SLFN12L: variants seen among roughly 807,000 people sequenced by gnomAD.
The protein encoded by SLFN12L is schlafen family member 12 like.
A neutral mutation model predicts 34.8 loss-of-function variants in SLFN12L; 34 were observed. The observed-to-expected ratio is 0.98, with a 90% confidence interval of 0.74 to 1.30. The LOEUF is 1.30. Ranked by LOEUF, SLFN12L falls within the 50% of genes most tolerant of loss-of-function variation. The pLI, the probability that SLFN12L is intolerant of heterozygous loss-of-function variation, is 0.00. For synonymous variants in SLFN12L, 259 were observed against 247.5 expected, an observed-to-expected ratio of 1.05 and a Z score of -0.44; for missense variants, 703 against 696.2, an observed-to-expected ratio of 1.01 and a Z score of -0.11.
chr17:35,484,088 A>G (rs1914478312), intron 2 of SLFN12L, among the ~76,000 whole-genome samples: 2 of 152,182 alleles, frequency 1.3e-5, no homozygotes, highest in Non-Finnish European at 1.5e-5. Flanking sequence ...CTCCTTGTGC[A>G]CCAGAGTAGT....
At chr17:35,509,783 C>T (rs61412582) in intron 2 of SLFN12L, among the ~76,000 whole-genome samples, 1,856 of 151,968 alleles carry the variant, frequency 0.012, 48 homozygotes, top group African/African-American at 0.043. Context: ...CTGCAAGCTC[C>T]GCCTCCTGGG....
intron 4 of SLFN12L, among the ~76,000 whole-genome samples, chr17:35,477,375 C>T (rs1471526277): frequency 2.6e-5 from 4 of 152,106 alleles, no homozygotes; most frequent in Non-Finnish European, 5.9e-5. Context: ...GGAAGGATCT[C>T]TTACACAAGG....
chr17:35,505,407 C>T (rs1020160703), intron 2 of SLFN12L, among the ~76,000 whole-genome samples: 1 of 152,198 alleles, frequency 6.6e-6, no homozygotes, highest in African/African-American at 2.4e-5. Context: ...TTGGCAGCAA[C>T]AGCTCTGCTA....
chr17:35,507,649 A>G (rs1915507756), intron 2 of SLFN12L, among the ~76,000 whole-genome samples: 1 of 152,204 alleles, frequency 6.6e-6, no homozygotes, highest in Non-Finnish European at 1.5e-5. Flanking sequence ...ATGTTTGAAA[A>G]ATGGTTCCCA....
chr17:35,480,863 C>A (rs1914305243), intron 2 of SLFN12L, among the ~76,000 whole-genome samples: 1 of 151,802 alleles, frequency 6.6e-6, no homozygotes, highest in Non-Finnish European at 1.5e-5. Flanking sequence ...AGACTGAGGG[C>A]ACAAGCTCTT....
chr17:35,485,029 A>G (rs563207940), intron 2 of SLFN12L, among the ~76,000 whole-genome samples: 36 of 152,334 alleles, frequency 2.4e-4, no homozygotes, highest in Middle Eastern at 6.8e-3. Context: ...ACAATTTTTT[A>G]CAGTACACTC....
At chr17:35,495,505 C>T (rs1597852368) in intron 2 of SLFN12L, among the ~76,000 whole-genome samples, 2 of 152,338 alleles carry the variant, frequency 1.3e-5, no homozygotes, top group African/African-American at 2.4e-5. Flanking sequence ...CCGTGGTCTC[C>T]GGCCCAGTTT....
chr17:35,515,498 C>T (rs889717571), intron 2 of SLFN12L, among the ~76,000 whole-genome samples: 29 of 152,020 alleles, frequency 1.9e-4, no homozygotes, highest in African/African-American at 6.8e-4. Flanking sequence ...GACCTATTCT[C>T]GTTCTGTCAC....
chr17:35,502,669 G>A (rs1915340501), intron 2 of SLFN12L, among the ~76,000 whole-genome samples: 1 of 151,538 alleles, frequency 6.6e-6, no homozygotes, highest in African/African-American at 2.4e-5. Context: ...AATAGCAAAG[G>A]ATAATTGAAA....
At chr17:35,517,648 A>C (rs1915873218) in intron 2 of SLFN12L, among the ~76,000 whole-genome samples, 1 of 152,234 alleles carries the variant, frequency 6.6e-6, no homozygotes, top group Non-Finnish European at 1.5e-5. Context: ...ACTTCAAACT[A>C]TACTACAAGC....
intron 2 of SLFN12L, among the ~76,000 whole-genome samples, chr17:35,499,377 T>C (rs191565058): frequency 2.6e-3 from 398 of 152,338 alleles, no homozygotes; most frequent in African/African-American, 9.1e-3. Context: ...TTTAGCAACG[T>C]AACTTAACAT....
chr17:35,511,586 C>CAT (rs993552662), intron 2 of SLFN12L, among the ~76,000 whole-genome samples: 6 of 50,826 alleles, frequency 1.2e-4, no homozygotes, highest in Admixed American at 5.9e-4. Flanking sequence ...CACACACATA[C>CAT]ACACACACAC....
At chr17:35,532,370 T>G (rs1252559750) in intron 1 of SLFN12L, among the ~76,000 whole-genome samples, 4 of 150,428 alleles carry the variant, frequency 2.7e-5, no homozygotes, top group South Asian at 2.1e-4. Flanking sequence ...GACCTGGGAG[T>G]TGGAGGTTGC....
chr17:35,479,987 C>T lies in SLFN12L; in HGVS notation c.295G>A (p.Gly99Arg), dbSNP rs1380905615. ...TTCTCAACTTCAGCCTTGATCACTC[C>T]CCCTCCAGAATTCAGCAGAGCACAC... ...AVCALLNSGG[G>R]VIKAEVENKG... is the part of the protein sequence containing the mutation. Residue 99 changes from glycine to arginine, a missense_variant, in exon 3 of 5, where the codon GGA becomes AGA. By Grantham distance (125) the Gly-to-Arg change is moderately radical (BLOSUM62 -2). Transcript: ENST00000628453. The T allele has an allele frequency of 1.2e-6, 2 of 1,613,992 alleles. No homozygotes were observed. The highest frequency in any genetic ancestry group is 2.7e-5 in the African/African-American group (2 of 74,914).
At chr17:35,499,874 C>T (rs1024730848) in intron 2 of SLFN12L, 2 of 163,646 alleles carry the variant, frequency 1.2e-5, no homozygotes, top group African/African-American at 4.8e-5. Context: ...CACTGAAAAT[C>T]ACTACCTTAG....
At chr17:35,528,629 T>C (rs2142175090) in intron 1 of SLFN12L, among the ~76,000 whole-genome samples, 1 of 152,326 alleles carries the variant, frequency 6.6e-6, no homozygotes, top group South Asian at 2.1e-4. Flanking sequence ...TTGGGAAAAC[T>C]GGCTAGCCAC....
intron 2 of SLFN12L, chr17:35,489,904 A>G (rs1359088134): frequency 5.3e-6 from 5 of 942,060 alleles, no homozygotes; most frequent in African/African-American, 3.3e-5. Context: ...GACAGTTTAT[A>G]CAGCACAGCA....
rs1913813637 is a variant in SLFN12L at position 35,471,799 on chromosome 17, T to A, written c.*3124A>T. Among the ~76,000 whole-genome samples the A allele has an allele frequency of 6.6e-6, 1 of 152,236 alleles. No homozygotes were observed. The highest frequency in any genetic ancestry group is 2.4e-5 in the African/African-American group (1 of 41,458). ...TGTCTCATTGTGGTTTTGATTTGCA[T>A]TTCTCTAATGATAAGTGATGTTGAG... On this transcript the variant is annotated 3_prime_UTR_variant, in exon 5 of 5. Coordinates refer to ENST00000628453, the MANE Select transcript of SLFN12L (RefSeq NM_001363830.2).
rs565908143 is a variant in SLFN12L, at chr17:35,479,754, T to C, written c.528A>G (p.Ala176=). ...SSLYKRDVTS[A]KVMNASAALE... ...GTGCAGCAGAAGCATTCATGACTTT[T>C]GCAGACGTTACATCTCTCTTGTACA... is the stretch of plus-strand genomic sequence containing the variant. The change falls in exon 3 of 5, where the codon GCA becomes GCG. Residue 176 remains alanine (A), a synonymous_variant. Coordinates refer to ENST00000628453, the MANE Select transcript of SLFN12L (RefSeq NM_001363830.2). The C allele has an allele frequency of 6.8e-6, 11 of 1,614,168 alleles. No homozygotes were observed. Among genetic ancestry groups the C allele is most frequent in the Non-Finnish European group, 9.3e-6 (11 of 1,180,006 alleles).
Sources: allele counts gnomAD v4.1 joint callset (sites outside exome capture counted in the v4.1 genomes callset), GRCh38; gene constraint gnomAD v4.1.1; transcripts MANE v1.5; gene names NCBI Gene and HGNC (gene_info 2026-07-23, HGNC 2026-07-21).